The following UBE2QL1 variants were observed in gnomAD, a reference collection of about 807,000 sequenced individuals.
UBE2QL1 encodes ubiquitin-conjugating enzyme E2Q-like protein 1.
UBE2QL1 carries 5 observed loss-of-function variants against 12.6 expected under a neutral mutation model. That is an observed-to-expected ratio of 0.40 (90% CI 0.21 to 0.83). The LOEUF (loss-of-function observed/expected upper bound fraction) is 0.83. Ranked by LOEUF, UBE2QL1 falls within the 40% of genes least tolerant of loss-of-function variation. UBE2QL1 has a pLI of 0.37. For missense variants in UBE2QL1, 99 were observed against 222.6 expected (o/e 0.44, Z 3.53); for synonymous variants, 96 against 94.5 (o/e 1.02, Z -0.10).
In UBE2QL1 at chr5:6,495,463, G is replaced by A. The variant is rs984535637; in HGVS notation, c.*4114G>A. 1.1e-4 allele frequency among the ~76,000 whole-genome samples: 17 copies of A among 152,126 alleles called. No individual in the cohort carries two copies. The highest frequency in any genetic ancestry group is 4.1e-4 in the African/African-American group (17 of 41,422). On this transcript the variant is annotated 3_prime_UTR_variant, in exon 2 of 2. Coordinates refer to ENST00000399816, the MANE Select transcript of UBE2QL1 (RefSeq NM_001145161.3). Reference sequence around the variant, plus strand: ...AGGAGGCGAGCCCAGAGACTTTGAGGGGCTTGTCCACAGTAGGACAGGAGC... The same window carrying A: ...AGGAGGCGAGCCCAGAGACTTTGAGAGGCTTGTCCACAGTAGGACAGGAGC...
chr5:6,488,985 T>C (rs1273208282), intron 1 of UBE2QL1, among the ~76,000 whole-genome samples: 1 of 152,228 alleles, frequency 6.6e-6, no homozygotes, highest in Non-Finnish European at 1.5e-5. Flanking sequence ...TAAGCAAATA[T>C]GCTTGAAGTT....
chr5:6,482,903 G>C (rs1270627467), intron 1 of UBE2QL1, among the ~76,000 whole-genome samples: 2 of 152,136 alleles, frequency 1.3e-5, no homozygotes, highest in South Asian at 2.1e-4. Flanking sequence ...CTCTCATCTA[G>C]AGGACACCTG....
In UBE2QL1 at chr5:6,481,252, C is replaced by T. The variant is rs1465320816; in HGVS notation, c.355-9966C>T. On this transcript the variant is annotated intron_variant, in intron 1 of 1. Coordinates refer to ENST00000399816, the MANE Select transcript of UBE2QL1 (RefSeq NM_001145161.3). This position sits in a 1 kb window ranked among gnomAD's most constrained non-coding sequence, Gnocchi z 4.5. Reference sequence around the variant, plus strand: ...AAACACACCCATCCTCCCAGGACCCCACAGCCTGCTCCTAAGACAGCGTCT... The same window carrying T: ...AAACACACCCATCCTCCCAGGACCCTACAGCCTGCTCCTAAGACAGCGTCT... Among the ~76,000 whole-genome samples the T allele has an allele frequency of 6.6e-6, 1 of 152,210 alleles. No homozygotes were observed. Among genetic ancestry groups the T allele is most frequent in the African/African-American group, 2.4e-5 (1 of 41,450 alleles).
chr5:6,474,265 G>A (rs951511797), intron 1 of UBE2QL1, among the ~76,000 whole-genome samples: 2 of 152,246 alleles, frequency 1.3e-5, no homozygotes, highest in Non-Finnish European at 2.9e-5. Context: ...TGGAGCACCC[G>A]TGCTTAGGAG....
At chr5:6,461,540 ACC>A (rs1739661488) in intron 1 of UBE2QL1, among the ~76,000 whole-genome samples, 1 of 46,772 alleles carries the variant, frequency 2.1e-5, no homozygotes, top group African/African-American at 6.1e-5. Flanking sequence ...TTCAGCACCC[ACC>A]ACCCCCCCCC....
chr5:6,487,785 A>G (rs1734492725), intron 1 of UBE2QL1, among the ~76,000 whole-genome samples: 1 of 152,246 alleles, frequency 6.6e-6, no homozygotes, highest in Non-Finnish European at 1.5e-5. Flanking sequence ...CTTGATTCCC[A>G]GAAGTTCACA....
In UBE2QL1 at chr5:6,486,490, G is replaced by A. The variant is rs561800014; in HGVS notation, c.355-4728G>A. 2.6e-5 allele frequency among the ~76,000 whole-genome samples: 4 copies of A among 152,272 alleles called. 1 individual carries two copies. The highest frequency in any genetic ancestry group is 7.2e-5 in the African/African-American group (3 of 41,546). On this transcript the variant is annotated intron_variant, in intron 1 of 1. Transcript: ENST00000399816. ...ACCTATGTCTCAAGGCTTAGCTTAC[G>A]TTATTGTCAACAGAAATCTTTCTGA... is the stretch of plus-strand genomic sequence containing the variant.
chr5:6,469,986 T>G (rs1165666340), intron 1 of UBE2QL1, among the ~76,000 whole-genome samples: 1 of 152,186 alleles, frequency 6.6e-6, no homozygotes, highest in African/African-American at 2.4e-5. Context: ...GGCGGGACCC[T>G]GCAATGGTCT....
intron 1 of UBE2QL1, among the ~76,000 whole-genome samples, chr5:6,460,157 C>G (rs1739621447): frequency 6.6e-6 from 1 of 152,120 alleles, no homozygotes; most frequent in South Asian, 2.1e-4. Context: ...AGCGCCTTAC[C>G]CCTTCTGAGT....
intron 1 of UBE2QL1, among the ~76,000 whole-genome samples, chr5:6,485,270 G>C (rs1460369901): frequency 6.6e-6 from 1 of 152,178 alleles, no homozygotes; most frequent in Non-Finnish European, 1.5e-5. Context: ...TCCCCTGCTT[G>C]TCAGTGGCTT....
chr5:6,462,772 A>G (rs1478253339), intron 1 of UBE2QL1, among the ~76,000 whole-genome samples: 3 of 152,212 alleles, frequency 2.0e-5, no homozygotes, highest in African/African-American at 7.2e-5. Flanking sequence ...ACTTCCATAC[A>G]TCACCATTAG....
At position 6,484,246 on chromosome 5, in the gene UBE2QL1, C is replaced by T. The variant is rs1166014558; in HGVS notation, c.355-6972C>T. 3.3e-5 allele frequency among the ~76,000 whole-genome samples: 5 copies of T among 152,138 alleles called. 1 individual carries two copies. Among genetic ancestry groups the T allele is most frequent in the African/African-American group, 4.8e-5 (2 of 41,430 alleles). ...GCCCATGTTGGCGTCGGAGGGGCAG[C>T]GAGCAGGGAGGGCTGGTCTGCATAC... On this transcript the variant is annotated intron_variant, in intron 1 of 1. Transcript: ENST00000399816.
rs945501961 is a variant in UBE2QL1, at chr5:6,478,081, A to G, written c.355-13137A>G. On this transcript the variant is annotated intron_variant, in intron 1 of 1. Transcript: ENST00000399816. This position sits in a 1 kb window ranked among gnomAD's most constrained non-coding sequence, Gnocchi z 4.5. ...TAGGTGAAGTAAATAATCCATGTAG[A>G]GTCTTATTATTGCTGTGCTTTATTG... 6.6e-6 allele frequency among the ~76,000 whole-genome samples: 1 copy of G among 152,186 alleles called. No homozygotes were observed. Among genetic ancestry groups the G allele is most frequent in the Non-Finnish European group, 1.5e-5 (1 of 68,036 alleles).
In UBE2QL1 at chr5:6,476,190, G is replaced by C. The variant is rs1294613535; in HGVS notation, c.355-15028G>C. ...TAGGAGGCGGGGCCTGAGCAGGGAG[G>C]GGGTGGGGTCCCGATGTTTGTGCAG... On this transcript the variant is annotated intron_variant, in intron 1 of 1. Transcript: ENST00000399816. This position sits in a 1 kb window ranked among gnomAD's most constrained non-coding sequence, Gnocchi z 4.9. Among the ~76,000 whole-genome samples the C allele has an allele frequency of 6.6e-6, 1 of 152,026 alleles. No homozygotes were observed. Among genetic ancestry groups the C allele is most frequent in the African/African-American group, 2.4e-5 (1 of 41,392 alleles).
Position 6,495,791 on chromosome 5 carries a change from C to T in UBE2QL1, c.*4442C>T, listed in dbSNP as rs138202573. ...TTTTTTTCTCCAAAGACAGTGAAATCATGTACAGCTCTGTTCTTAGTTTTC... is the reference window on the plus strand; with the variant it reads ...TTTTTTTCTCCAAAGACAGTGAAATTATGTACAGCTCTGTTCTTAGTTTTC... On this transcript the variant is annotated 3_prime_UTR_variant, in exon 2 of 2. Transcript: ENST00000399816. 6.6e-6 allele frequency among the ~76,000 whole-genome samples: 1 copy of T among 152,198 alleles called. No homozygotes were observed. The highest frequency in any genetic ancestry group is 1.5e-5 in the Non-Finnish European group (1 of 68,042).
chr5:6,464,328 A>G (rs540530560), intron 1 of UBE2QL1, among the ~76,000 whole-genome samples: 7 of 152,358 alleles, frequency 4.6e-5, no homozygotes, highest in South Asian at 2.1e-4. Context: ...CAAAAGATTT[A>G]CAATCCCATA....
chr5:6,491,460 C>T lies in UBE2QL1; in HGVS notation c.*111C>T, dbSNP rs1345804450. The stretch of plus-strand genomic sequence containing the variant: ...CCCGTTTTTACTCCAGCCAGAACTG[C>T]ATCCTGAATGCCCAGGAGACGTTTA... On this transcript the variant is annotated 3_prime_UTR_variant, in exon 2 of 2. Coordinates refer to ENST00000399816, the MANE Select transcript of UBE2QL1 (RefSeq NM_001145161.3). 7.4e-7 allele frequency: 1 copy of T among 1,357,908 alleles called. No individual in the cohort carries two copies. The highest frequency in any genetic ancestry group is 9.7e-7 in the Non-Finnish European group (1 of 1,030,230). The allele number at this position is 1,357,908 out of a possible 1,614,324, so 84.1% of individuals were successfully genotyped here.
intron 1 of UBE2QL1, among the ~76,000 whole-genome samples, chr5:6,462,932 G>A (rs946473289): frequency 2.0e-5 from 3 of 152,222 alleles, no homozygotes; most frequent in African/African-American, 4.8e-5. Context: ...TAACTAAGGC[G>A]TCAAGCACAG....
At chr5:6,486,311 C>T (rs1385128196) in intron 1 of UBE2QL1, among the ~76,000 whole-genome samples, 1 of 144,252 alleles carries the variant, frequency 6.9e-6, no homozygotes, top group East Asian at 2.2e-4. Context: ...CACACACAAG[C>T]ACACACACAC....
Sources: gnomAD v4.1 joint callset for allele counts (sites outside exome capture counted in the v4.1 genomes callset) on GRCh38, gnomAD v4.1.1 for gene constraint, Gnocchi (gnomAD v3.1) non-coding constraint, MANE v1.5 for transcripts, NCBI Gene and HGNC (gene_info 2026-07-23, HGNC 2026-07-21) for gene names.